PCID2: variants seen among roughly 807,000 people sequenced by gnomAD.
PCID2 encodes PCI domain containing 2, also known as PCI domain-containing protein 2.
Under a neutral mutation model 61.3 loss-of-function variants are expected in PCID2, and 41 were observed. That is an observed-to-expected ratio of 0.67 (90% CI 0.52 to 0.87). The LOEUF (loss-of-function observed/expected upper bound fraction) is 0.87. Among genes scored for constraint, PCID2 ranks in the 40% least tolerant of loss-of-function variants. The pLI is 0.00. For missense variants in PCID2, 392 were observed against 493.4 expected (o/e 0.79, Z 1.95); for synonymous variants, 187 against 177.8 (o/e 1.05, Z -0.41).
Position 113,195,123 on chromosome 13 carries a change from G to A in PCID2, c.311C>T (p.Ala104Val). 1 of 1,606,760 alleles carries A rather than the reference G, an allele frequency of 6.2e-7. No homozygotes were observed. The highest frequency in any genetic ancestry group is 8.5e-7 in the Non-Finnish European group (1 of 1,173,222). Residue 104 changes from alanine (A) to valine (V), a missense_variant and splice_region_variant, in exon 6 of 14, where the codon GCT (alanine) becomes GTT (valine). This residue lies in a region of PCID2 where 155 missense variants were observed against 164.9 expected (regional missense o/e 0.94). Coordinates refer to ENST00000337344, the MANE Select transcript of PCID2 (RefSeq NM_001127202.4). ...AFQAHKEENW[A>V]LPVMYAVALD... ...CGCTACTGCATACATGACAGGCAGAGCCCTGCAGGGCAAAAAAGTAAACAA... is the reference window on the plus strand; with the variant it reads ...CGCTACTGCATACATGACAGGCAGAACCCTGCAGGGCAAAAAAGTAAACAA...
chr13:113,208,396 C>A, intron 1 of PCID2: 1 of 1,441,992 alleles, frequency 6.9e-7, no homozygotes, highest in Non-Finnish European at 9.1e-7. Flanking sequence ...GCCCCCACGG[C>A]GGCCCTGCAG....
At chr13:113,171,523 G>A in the PCID2 span, 1 of 1,600,798 alleles carries the variant, frequency 6.2e-7, no homozygotes, top group Non-Finnish European at 8.5e-7. The surrounding 1 kb of genome is among the most constrained non-coding windows in gnomAD (Gnocchi z 5.1). Flanking sequence ...GGCTCCCTGA[G>A]AAGCTCGTTT....
At chr13:113,192,307 C>A (rs2038684871) in intron 6 of PCID2, among the ~76,000 whole-genome samples, 1 of 152,174 alleles carries the variant, frequency 6.6e-6, no homozygotes, top group African/African-American at 2.4e-5. Context: ...TTTCTTAAAT[C>A]TTGGTCCTTG....
chr13:113,200,573 A>G, intron 1 of PCID2, 57 bp from the exon 2 acceptor site: 1 of 1,135,668 alleles, frequency 8.8e-7, no homozygotes, highest in South Asian at 1.2e-5. Flanking sequence ...TTCGAATAGA[A>G]CCTACAACAA....
chr13:113,203,161 C>T (rs973337077), intron 1 of PCID2, among the ~76,000 whole-genome samples: 1 of 152,216 alleles, frequency 6.6e-6, no homozygotes, highest in South Asian at 2.1e-4. Context: ...GGGAGAGTCC[C>T]ATGGGATTTG....
At chr13:113,196,119 G>A in intron 5 of PCID2, 62 bp downstream of exon 5, 1 of 1,224,594 alleles carries the variant, frequency 8.2e-7, no homozygotes, top group East Asian at 2.3e-5. Flanking sequence ...AAGCAAATTT[G>A]TAAAAAGATT....
At chr13:113,181,008 T>A (rs1422228987) in intron 10 of PCID2, 122 bp downstream of exon 10, 1 of 648,664 alleles carries the variant, frequency 1.5e-6, no homozygotes, top group African/African-American at 1.8e-5. Context: ...TTTTGGGGTG[T>A]GCTCATACAC....
In PCID2 at chr13:113,178,951, C is replaced by T; in HGVS notation, c.1110+15G>A. The T allele has an allele frequency of 1.2e-6, 2 of 1,606,280 alleles. No individual in the cohort carries two copies. Among genetic ancestry groups the T allele is most frequent in the East Asian group, 2.2e-5 (1 of 44,658 alleles). On this transcript the variant is annotated intron_variant, in intron 13 of 13. Transcript: ENST00000337344. ...CTGTGAGTAGCTGCTTAAATTAAAACCAGGACTCACACACCATGTATATCA... is the reference window on the plus strand; with the variant it reads ...CTGTGAGTAGCTGCTTAAATTAAAATCAGGACTCACACACCATGTATATCA...
At position 113,207,946 on chromosome 13, in the gene PCID2, A is replaced by G; in HGVS notation, c.36+653T>C. ...TGTTACCACAGTGCTGGTTCTGAAG[A>G]CAGGCATAGTTTAGTGGAAAGAATA... is the stretch of plus-strand genomic sequence containing the variant. On this transcript the variant is annotated intron_variant, in intron 1 of 13. Transcript: ENST00000337344. 3.2e-6 allele frequency: 4 copies of G among 1,249,104 alleles called. No homozygotes were observed. In the South Asian group the frequency reaches 4.8e-5, roughly 15 times the overall value. The allele number at this position is 1,249,104 out of a possible 1,614,324, so 77.4% of individuals were successfully genotyped here. A position where few individuals can be genotyped will look rare whatever the true frequency, so the allele number is the denominator to read the frequency against.
chr13:113,170,338 C>T, the PCID2 span: 1 of 901,922 alleles, frequency 1.1e-6, no homozygotes, highest in South Asian at 1.3e-5. Flanking sequence ...GTCCATATCC[C>T]TATCCAGTAG....
rs954428896 is a variant in PCID2, at chr13:113,178,958, TCACA to T, written c.1110+4_1110+7del. 7 of 1,609,950 alleles carry T rather than the reference TCACA, an allele frequency of 4.3e-6. No homozygotes were observed. In the African/African-American group the frequency reaches 9.4e-5, roughly 22 times the overall value. Reference sequence around the variant, plus strand: ...TAGCTGCTTAAATTAAAACCAGGACTCACACACCATGTATATCAAGTTAGCCAGA... The same window carrying T: ...TAGCTGCTTAAATTAAAACCAGGACTCACCATGTATATCAAGTTAGCCAGA... On this transcript the variant is annotated splice_donor_5th_base_variant and intron_variant, in intron 13 of 13. Transcript: ENST00000337344.
chr13:113,176,449 C>T (rs1345616367), downstream of PCID2, among the ~76,000 whole-genome samples: 6 of 150,462 alleles, frequency 4.0e-5, 3 homozygotes, highest in Non-Finnish European at 6.0e-5. Flanking sequence ...GGTCCTAACC[C>T]AACAGAACTG....
chr13:113,180,057 G>A lies in PCID2; in HGVS notation c.861-15C>T. 6.2e-7 allele frequency: 1 copy of A among 1,613,828 alleles called. No homozygotes were observed. The highest frequency in any genetic ancestry group is 1.1e-5 in the South Asian group (1 of 91,082). On this transcript the variant is annotated splice_polypyrimidine_tract_variant and intron_variant, in intron 11 of 13. Transcript: ENST00000337344. ...GGTTGCCCTCGCTGGTGAGGGGGGA[G>A]GCGCGTCAGAAGGAGGGTGAGTTTC...
intron 7 of PCID2, 185 bp from the exon 8 acceptor site, chr13:113,185,745 T>G (rs1448457791): frequency 2.1e-6 from 1 of 470,764 alleles, no homozygotes; most frequent in African/African-American, 1.9e-5. Context: ...AAAAGATGTC[T>G]TACCTGATGG....
intron 4 of PCID2, among the ~76,000 whole-genome samples, chr13:113,196,690 T>C (rs1024757984): frequency 1.3e-5 from 2 of 152,198 alleles, no homozygotes; most frequent in Non-Finnish European, 2.9e-5. Flanking sequence ...TAGAGATACA[T>C]ACAAATCCTT....
At chr13:113,167,020 C>T in the PCID2 span, among the ~76,000 whole-genome samples, 4 of 152,150 alleles carry the variant, frequency 2.6e-5, no homozygotes, top group African/African-American at 9.7e-5. Flanking sequence ...TTTTTTACTT[C>T]AGTATTATAA....
rs1382633608 is a variant in PCID2, at chr13:113,198,202, T to C, written c.189A>G (p.Ala63=). The change falls in exon 3 of 14, where the codon GCA becomes GCG. Residue 63 remains alanine, a synonymous_variant. Transcript: ENST00000337344. ...CCCCAACAGATTACCTTAAATGAGC[T>C]GCAAACATTTCATCATAAGGGGGTT... ...VLEPPYDEMF[A]AHLRCTYAVG... 6.9e-6 allele frequency: 11 copies of C among 1,604,466 alleles called. No individual in the cohort carries two copies. The highest frequency in any genetic ancestry group is 8.5e-6 in the Non-Finnish European group (10 of 1,175,096).
At chr13:113,201,815 C>CAAA (rs34103745) in intron 1 of PCID2, among the ~76,000 whole-genome samples, 23 of 59,348 alleles carry the variant, frequency 3.9e-4, no homozygotes, top group African/African-American at 1.2e-3. Context: ...GACTCCGTCT[C>CAAA]AAAAAAAAAA....
intron 6 of PCID2, among the ~76,000 whole-genome samples, chr13:113,193,091 T>C (rs985096941): frequency 1.3e-5 from 2 of 152,188 alleles, no homozygotes; most frequent in Non-Finnish European, 2.9e-5. Flanking sequence ...GAGACATAAA[T>C]GCTTGTTGGT....
Sources: allele counts gnomAD v4.1 joint callset (sites outside exome capture counted in the v4.1 genomes callset), GRCh38; gene constraint gnomAD v4.1.1; regional missense constraint gnomAD v4.1.1; non-coding constraint Gnocchi (gnomAD v3.1); transcripts MANE v1.5; gene names NCBI Gene and HGNC (gene_info 2026-07-23, HGNC 2026-07-21).